DOCK1: variants seen among roughly 807,000 people sequenced by gnomAD.
The protein encoded by DOCK1 is dedicator of cytokinesis protein 1.
In DOCK1, 138 loss-of-function variants were observed where a neutral mutation model predicts 262.7. The observed-to-expected ratio is 0.53, with a 90% CI of 0.46 to 0.61. The LOEUF (loss-of-function observed/expected upper bound fraction) is 0.61, where lower values mean the gene tolerates loss of function less well. DOCK1 is among the 20% of genes least tolerant of loss of function. The pLI is 0.00. For missense variants in DOCK1, 1,908 were observed against 2,370.7 expected (o/e 0.80, Z 4.05); for synonymous variants, 866 against 867.4 (o/e 1.00, Z 0.03).
intron 27 of DOCK1, among the ~76,000 whole-genome samples, chr10:127,149,022 AG>A (rs2052203194): frequency 6.6e-6 from 1 of 152,198 alleles, no homozygotes; most frequent in Admixed American, 6.5e-5. Context: ...CCTCTGCCGA[AG>A]AAGTGTTACT....
At chr10:127,393,602 G>C (rs537792283) in intron 38 of DOCK1, among the ~76,000 whole-genome samples, 1 of 152,084 alleles carries the variant, frequency 6.6e-6, no homozygotes, top group East Asian at 1.9e-4. Context: ...AGGGAGAGAC[G>C]GGAATCGGGT....
intron 22 of DOCK1, among the ~76,000 whole-genome samples, chr10:127,058,374 TC>T (rs35999457): frequency 0.17 from 26,371 of 151,896 alleles, 2,482 homozygotes; most frequent in South Asian, 0.32. Context: ...CCTATTTCCA[TC>T]CTTTTATTTT....
At chr10:127,396,090 A>AAAGCTG in intron 38 of DOCK1, among the ~76,000 whole-genome samples, 1 of 148,568 alleles carries the variant, frequency 6.7e-6, no homozygotes, top group African/African-American at 2.5e-5. Context: ...GGGCCAGTTC[A>AAAGCTG]CAGCTGCAGT....
chr10:127,321,954 T>G (rs1044681304), intron 29 of DOCK1, among the ~76,000 whole-genome samples: 2 of 151,708 alleles, frequency 1.3e-5, no homozygotes, highest in African/African-American at 4.8e-5. Flanking sequence ...AATACAAAAA[T>G]CAGCCAGATG....
chr10:126,915,576 A>G (rs2032382581), intron 1 of DOCK1, among the ~76,000 whole-genome samples: 1 of 152,034 alleles, frequency 6.6e-6, no homozygotes, highest in East Asian at 1.9e-4. Context: ...GCACCACCGC[A>G]TCTGGTAATT....
At chr10:127,040,059 A>G (rs1329211801) in intron 19 of DOCK1, among the ~76,000 whole-genome samples, 1 of 151,920 alleles carries the variant, frequency 6.6e-6, no homozygotes, top group Non-Finnish European at 1.5e-5. Context: ...GCCACTGACC[A>G]TGTCATGTGT....
intron 12 of DOCK1, among the ~76,000 whole-genome samples, chr10:127,017,269 A>G (rs1211882945): frequency 7.3e-6 from 1 of 136,696 alleles, no homozygotes; most frequent in Non-Finnish European, 1.6e-5. Context: ...TCAGATATAC[A>G]TATAGACACA....
chr10:127,109,934 T>C (rs2048765375), intron 24 of DOCK1, among the ~76,000 whole-genome samples: 1 of 152,204 alleles, frequency 6.6e-6, no homozygotes, highest in South Asian at 2.1e-4. Context: ...GCCTAACTGT[T>C]TTCCAAAGTG....
rs998882309 is a variant in DOCK1 at position 127,067,666 on chromosome 10, T to TA, written c.2445+5899dup. On this transcript the variant is annotated intron_variant, in intron 23 of 51. Coordinates refer to ENST00000623213, the MANE Select transcript of DOCK1 (RefSeq NM_001290223.2). Reference sequence around the variant, plus strand: ...CTATTCTAGACTAATGTATTTCAGTTAAAAAAAAATTGCTGGTTGACAGGC... The same window carrying TA: ...CTATTCTAGACTAATGTATTTCAGTTAAAAAAAAAATTGCTGGTTGACAGGC... Among the ~76,000 whole-genome samples the TA allele has an allele frequency of 2.1e-4, 32 of 151,478 alleles. No individual in the cohort carries two copies. In the East Asian group the frequency reaches 2.1e-3, roughly 10 times the overall value.
chr10:127,236,728 T>C (rs995314349), intron 27 of DOCK1, among the ~76,000 whole-genome samples: 2 of 152,016 alleles, frequency 1.3e-5, no homozygotes, highest in Non-Finnish European at 2.9e-5. Context: ...CAGTATACAA[T>C]TTTGTGACTT....
intron 38 of DOCK1, among the ~76,000 whole-genome samples, chr10:127,393,450 C>T (rs2066619555): frequency 6.6e-6 from 1 of 152,132 alleles, no homozygotes; most frequent in African/African-American, 2.4e-5. Context: ...CTACAGCTTC[C>T]TACGGGAAAT....
intron 27 of DOCK1, among the ~76,000 whole-genome samples, chr10:127,194,739 A>C (rs2056982798): frequency 1.3e-5 from 2 of 152,166 alleles, no homozygotes; most frequent in South Asian, 2.1e-4. Flanking sequence ...GTTCAAGTGC[A>C]CAGACGTCTA....
chr10:127,333,852 G>C (rs1187715241), intron 29 of DOCK1, among the ~76,000 whole-genome samples: 1 of 152,128 alleles, frequency 6.6e-6, no homozygotes, highest in Non-Finnish European at 1.5e-5. Flanking sequence ...TCATATCAGT[G>C]TTCAGATAAC....
intron 38 of DOCK1, chr10:127,402,663 A>G: frequency 1.9e-6 from 1 of 521,524 alleles, no homozygotes; most frequent in South Asian, 1.4e-5. Flanking sequence ...CCCAGTTTCT[A>G]CATAAATGGC....
Position 127,384,898 on chromosome 10 carries a change from G to A in DOCK1, c.3916G>A (p.Asp1306Asn), listed in dbSNP as rs1392611088. 17 of 1,600,358 alleles carry A rather than the reference G, an allele frequency of 1.1e-5. 1 individual carries two copies. Among genetic ancestry groups the A allele is most frequent in the South Asian group, 4.5e-5 (4 of 88,696 alleles). Reference sequence around the variant, plus strand: ...CTACCAGGAAATCATCCACTACTTCGACAAAGGCAAGGTAAAACACAAAAA... The same window carrying A: ...CTACCAGGAAATCATCCACTACTTCAACAAAGGCAAGGTAAAACACAAAAA... ...QLYQEIIHYF[D>N]KGKMWEEAIA... The change falls in exon 38 of 52, where the codon GAC (aspartate) becomes AAC (asparagine). Residue 1306 changes from aspartate (D) to asparagine (N), a missense_variant. Around this residue, in one of 9 missense-constraint regions of DOCK1, gnomAD observed 267 missense variants for 366.3 expected, o/e 0.73. Transcript: ENST00000623213.
intron 25 of DOCK1, among the ~76,000 whole-genome samples, chr10:127,121,881 C>G (rs968158116): frequency 2.0e-5 from 3 of 152,200 alleles, no homozygotes; most frequent in Non-Finnish European, 2.9e-5. Flanking sequence ...TTTGATACCA[C>G]ATGTGCGTAA....
intron 47 of DOCK1, among the ~76,000 whole-genome samples, chr10:127,428,332 T>G (rs2068952946): frequency 6.6e-6 from 1 of 151,484 alleles, no homozygotes; most frequent in South Asian, 2.1e-4. Flanking sequence ...GAGTTCTGAG[T>G]GTGCTTGCTT....
Position 127,238,669 on chromosome 10 carries a change from C to T in DOCK1, c.2848-9339C>T, listed in dbSNP as rs147098899. ...TTCAGATTGTCTCAAGCATCCCACA[C>T]GTGGCCAGGGGAGCCTCCCCACACC... On this transcript the variant is annotated intron_variant, in intron 27 of 51. Coordinates refer to ENST00000623213, the MANE Select transcript of DOCK1 (RefSeq NM_001290223.2). Among the ~76,000 whole-genome samples, 30 of 152,266 alleles carry T rather than the reference C, an allele frequency of 2.0e-4. No individual in the cohort carries two copies. The East Asian group carries it at 4.1e-3, about 21-fold the overall frequency.
chr10:126,977,158 C>T (rs554789539), intron 2 of DOCK1, among the ~76,000 whole-genome samples: 56 of 152,306 alleles, frequency 3.7e-4, no homozygotes, highest in African/African-American at 1.2e-3. Context: ...TGGATACTGA[C>T]GGTAGACCCC....
Sources: allele counts gnomAD v4.1 joint callset (sites outside exome capture counted in the v4.1 genomes callset), GRCh38; gene constraint gnomAD v4.1.1; regional missense constraint gnomAD v4.1.1; transcripts MANE v1.5; gene names NCBI Gene and HGNC (gene_info 2026-07-23, HGNC 2026-07-21).